GAB1: variants seen among roughly 807,000 people sequenced by gnomAD.
The protein encoded by GAB1 is GRB2 associated binding protein 1.
GAB1 carries 19 observed loss-of-function variants against 66.5 expected under a neutral mutation model. The observed-to-expected ratio is 0.29, with a 90% confidence interval of 0.20 to 0.42. The LOEUF (loss-of-function observed/expected upper bound fraction) is 0.42. Ranked by LOEUF, GAB1 falls within the 10% of genes least tolerant of loss-of-function variation. The pLI is 1.00. For synonymous variants in GAB1, 294 were observed against 301.4 expected (o/e 0.98, Z 0.25); for missense variants, 732 against 858.5 (o/e 0.85, Z 1.84).
Position 143,337,912 on chromosome 4 carries a change from C to A in GAB1, c.72+652C>A, listed in dbSNP as rs912558070. Among the ~76,000 whole-genome samples the A allele has an allele frequency of 2.2e-4, 33 of 152,256 alleles. No individual in the cohort carries two copies. In the East Asian group the frequency reaches 6.0e-3, roughly 28 times the overall value. On this transcript the variant is annotated intron_variant, in intron 1 of 9. Coordinates refer to ENST00000262994, the MANE Select transcript of GAB1 (RefSeq NM_002039.4). ...TTGGAGTTTGGCCCGGGAGCCTTGG[C>A]GGTTTGCTGCGAGAGGAGGGCGCTG...
rs1192269042 is a variant in GAB1, at chr4:143,433,551, A to G, written c.428A>G (p.Asn143Ser). 6.2e-7 allele frequency: 1 copy of G among 1,614,008 alleles called. No individual in the cohort carries two copies. The highest frequency in any genetic ancestry group is 1.7e-5 in the Admixed American group (1 of 59,986). ...QAPADLPLAI[N>S]TAPPSTQADS... Reference sequence around the variant, plus strand: ...CCAGCTGATTTACCTTTAGCTATAAATACAGCACCACCATCCACCCAGGCA... The same window carrying G: ...CCAGCTGATTTACCTTTAGCTATAAGTACAGCACCACCATCCACCCAGGCA... The change falls in exon 3 of 10, where the codon AAT becomes AGT. Residue 143 changes from asparagine to serine, a missense_variant. Asn to Ser is a conservative substitution (Grantham distance 46, BLOSUM62 1). Coordinates refer to ENST00000262994, the MANE Select transcript of GAB1 (RefSeq NM_002039.4).
chr4:143,356,883 C>G (rs1729467033), intron 1 of GAB1, among the ~76,000 whole-genome samples: 1 of 152,108 alleles, frequency 6.6e-6, no homozygotes, highest in Admixed American at 6.5e-5. Context: ...TTAGATGATG[C>G]TATTTAGAAT....
At chr4:143,385,720 A>G (rs1730864896) in intron 1 of GAB1, among the ~76,000 whole-genome samples, 1 of 152,246 alleles carries the variant, frequency 6.6e-6, no homozygotes, top group Non-Finnish European at 1.5e-5. Context: ...AGGCTGGGAA[A>G]TAAAATGTTA....
chr4:143,422,828 C>T (rs1358078585), intron 2 of GAB1, among the ~76,000 whole-genome samples: 1 of 152,186 alleles, frequency 6.6e-6, no homozygotes, highest in Non-Finnish European at 1.5e-5. Flanking sequence ...GCTCCAGCAG[C>T]TTATTAGCCT....
At chr4:143,402,178 A>G (rs952183306) in intron 1 of GAB1, among the ~76,000 whole-genome samples, 3 of 152,190 alleles carry the variant, frequency 2.0e-5, no homozygotes, top group African/African-American at 7.2e-5. Context: ...CGCATAAATT[A>G]TAGAGACCAA....
At chr4:143,422,412 G>T (rs1239020364) in intron 2 of GAB1, among the ~76,000 whole-genome samples, 1 of 152,024 alleles carries the variant, frequency 6.6e-6, no homozygotes, top group Non-Finnish European at 1.5e-5. Flanking sequence ...AAGAACATGG[G>T]GATCACCACA....
intron 6 of GAB1, among the ~76,000 whole-genome samples, chr4:143,449,227 G>A (rs1734750690): frequency 6.6e-6 from 1 of 151,184 alleles, no homozygotes; most frequent in African/African-American, 2.5e-5. Context: ...GTCAATTTTG[G>A]AATAGGTGTG....
At chr4:143,384,706 C>G (rs1471319378) in intron 1 of GAB1, among the ~76,000 whole-genome samples, 1 of 152,208 alleles carries the variant, frequency 6.6e-6, no homozygotes, top group Non-Finnish European at 1.5e-5. Context: ...TTTGCAGGCT[C>G]TGTTCAGTCT....
At chr4:143,468,948 A>T (rs1188393420) in intron 9 of GAB1, 83 bp from the exon 10 acceptor site, 1 of 1,368,980 alleles carries the variant, frequency 7.3e-7, no homozygotes, top group Non-Finnish European at 1.0e-6. Flanking sequence ...TTCACAGTGG[A>T]TGTGTTTTGT....
Position 143,440,201 on chromosome 4 carries a change from G to C in GAB1, c.1404G>C (p.Gln468His). Residue 468 changes from glutamine (Q) to histidine (H), a missense_variant, in exon 6 of 10, where the codon CAG becomes CAC. By Grantham distance (24) the Gln-to-His change is conservative (BLOSUM62 0). This residue lies in a region of GAB1 where 427 missense variants were observed against 420.6 expected (regional missense o/e 1.02). Coordinates refer to ENST00000262994, the MANE Select transcript of GAB1 (RefSeq NM_002039.4). Reference sequence around the variant, plus strand: ...CCAGCAGTTTTACAGAACCAATTCAGGAAGCAAATTATGTGCCAATGACTC... The same window carrying C: ...CCAGCAGTTTTACAGAACCAATTCACGAAGCAAATTATGTGCCAATGACTC... ...QHSSSFTEPI[Q>H]EANYVPMTPG... 6.2e-7 allele frequency: 1 copy of C among 1,614,114 alleles called. No individual in the cohort carries two copies. Among genetic ancestry groups the C allele is most frequent in the Non-Finnish European group, 8.5e-7 (1 of 1,180,010 alleles).
intron 1 of GAB1, among the ~76,000 whole-genome samples, chr4:143,358,320 A>C (rs1729529633): frequency 6.6e-6 from 1 of 152,216 alleles, no homozygotes; most frequent in Non-Finnish European, 1.5e-5. Context: ...CAGCCTGTTT[A>C]AAAGACAAAT....
At chr4:143,372,570 A>T (rs1316603921) in intron 1 of GAB1, among the ~76,000 whole-genome samples, 1 of 152,224 alleles carries the variant, frequency 6.6e-6, no homozygotes, top group African/African-American at 2.4e-5. Flanking sequence ...ATTGGGTCTG[A>T]AGTCATTCTG....
intron 3 of GAB1, among the ~76,000 whole-genome samples, chr4:143,437,087 G>A (rs964401642): frequency 6.6e-6 from 1 of 152,006 alleles, no homozygotes; most frequent in South Asian, 2.1e-4. Context: ...TAGTAAAGGG[G>A]GAGACTTTAC....
At chr4:143,411,538 T>C (rs542961950) in intron 1 of GAB1, among the ~76,000 whole-genome samples, 13 of 152,324 alleles carry the variant, frequency 8.5e-5, no homozygotes, top group African/African-American at 2.9e-4. Flanking sequence ...CTGTCCTTTT[T>C]GTCTGCTCCT....
At chr4:143,393,347 A>T (rs1029773428) in intron 1 of GAB1, among the ~76,000 whole-genome samples, 3 of 152,104 alleles carry the variant, frequency 2.0e-5, no homozygotes, top group Non-Finnish European at 1.5e-5. Flanking sequence ...TCTGTCATAG[A>T]CAAATAGTAC....
At chr4:143,363,790 T>A (rs1729759496) in intron 1 of GAB1, among the ~76,000 whole-genome samples, 1 of 152,206 alleles carries the variant, frequency 6.6e-6, no homozygotes, top group African/African-American at 2.4e-5. Flanking sequence ...GCCTTTGCTC[T>A]GGTGGTCCTT....
chr4:143,389,235 G>A (rs1578640121), intron 1 of GAB1, among the ~76,000 whole-genome samples: 1 of 152,208 alleles, frequency 6.6e-6, no homozygotes, highest in Non-Finnish European at 1.5e-5. Flanking sequence ...TTTTAACCAA[G>A]CATAGAATGA....
rs761740594 is a variant in GAB1 at position 143,466,141 on chromosome 4, C to T, written c.1842C>T (p.Ser614=). ...FGSNSLDGGS[S]PMIKPKGDKQ... The stretch of plus-strand genomic sequence containing the variant: ...GTAACAGTCTTGATGGAGGAAGCAG[C>T]CCTATGATCAAGCCCAAAGGAGACA... Residue 614 remains serine (S), a synonymous_variant, in exon 9 of 10, where the codon AGC becomes AGT. Transcript: ENST00000262994. 1 of 1,613,652 alleles carries T rather than the reference C, an allele frequency of 6.2e-7. No homozygotes were observed. The highest frequency in any genetic ancestry group is 8.5e-7 in the Non-Finnish European group (1 of 1,179,684).
At chr4:143,377,164 A>G (rs768029371) in intron 1 of GAB1, among the ~76,000 whole-genome samples, 34 of 152,006 alleles carry the variant, frequency 2.2e-4, no homozygotes, top group Non-Finnish European at 2.2e-4. Flanking sequence ...GAATTTACAC[A>G]ACAAAAATGT....
Sources: gnomAD v4.1 joint callset for allele counts (sites outside exome capture counted in the v4.1 genomes callset) on GRCh38, gnomAD v4.1.1 for gene constraint, gnomAD v4.1.1 regional missense constraint, MANE v1.5 for transcripts, NCBI Gene and HGNC (gene_info 2026-07-23, HGNC 2026-07-21) for gene names.